Variants in PRKN observed in about 807,000 individuals in gnomAD.
PRKN encodes the protein E3 ubiquitin-protein ligase parkin.
PRKN carries 56 observed loss-of-function variants against 59.5 expected under a neutral mutation model. The observed-to-expected ratio is 0.94, with a 90% CI of 0.76 to 1.18. The LOEUF (loss-of-function observed/expected upper bound fraction) is 1.18, where lower values mean the gene tolerates loss of function less well. Among genes scored for constraint, PRKN ranks in the 50% most tolerant of loss-of-function variants. The pLI is 0.00. For synonymous variants in PRKN, 250 were observed against 222.1 expected (o/e 1.13, Z -1.12); for missense variants, 657 against 596.4 (o/e 1.10, Z -1.06).
intron 6 of PRKN, among the ~76,000 whole-genome samples, chr6:161,969,683 T>C (rs1396312468): frequency 3.9e-5 from 6 of 152,194 alleles, no homozygotes; most frequent in Admixed American, 2.6e-4. Flanking sequence ...ATTTTACTTT[T>C]ATTTTCCAGT....
chr6:161,757,871 C>CTCTCTCTCTCTGTGTG (rs1380898753), intron 7 of PRKN, among the ~76,000 whole-genome samples: 27 of 97,984 alleles, frequency 2.8e-4, no homozygotes, highest in Admixed American at 3.6e-4. Flanking sequence ...CTCTCTCTCT[C>CTCTCTCTCTCTGTGTG]TGTGTATATA....
At chr6:161,732,279 G>A (rs1787749735) in intron 7 of PRKN, among the ~76,000 whole-genome samples, 1 of 151,968 alleles carries the variant, frequency 6.6e-6, no homozygotes, top group Non-Finnish European at 1.5e-5. Context: ...TACAGACAGG[G>A]TTTCACCATG....
Position 161,582,640 on chromosome 6 carries a change from G to A in PRKN, c.872-13224C>T, listed in dbSNP as rs1357758988. ...GATGGGGTTTCACCATGTTAGCCAG[G>A]ATGGTCTCGATCTGCTGACCTCGTG... On this transcript the variant is annotated intron_variant, in intron 7 of 11. Coordinates refer to ENST00000366898, the MANE Select transcript of PRKN (RefSeq NM_004562.3). The surrounding 1 kb of genome is among the most constrained non-coding windows in gnomAD (Gnocchi z 4.4). Among the ~76,000 whole-genome samples the A allele has an allele frequency of 1.3e-5, 2 of 152,034 alleles. No homozygotes were observed. The highest frequency in any genetic ancestry group is 2.4e-5 in the African/African-American group (1 of 41,398).
At chr6:161,962,421 A>C (rs538937235) in intron 6 of PRKN, among the ~76,000 whole-genome samples, 1 of 152,362 alleles carries the variant, frequency 6.6e-6, no homozygotes, top group African/African-American at 2.4e-5. Flanking sequence ...TTCTTTAAAA[A>C]AAAAAGTTAT....
intron 1 of PRKN, among the ~76,000 whole-genome samples, chr6:162,615,902 T>C (rs142056300): frequency 1.3e-5 from 2 of 152,188 alleles, no homozygotes; most frequent in East Asian, 1.9e-4. Flanking sequence ...GTTATCCACA[T>C]TGGCAGAGTA....
At chr6:162,251,469 G>A (rs971030683) in intron 3 of PRKN, among the ~76,000 whole-genome samples, 2 of 152,144 alleles carry the variant, frequency 1.3e-5, no homozygotes, top group Non-Finnish European at 2.9e-5. Context: ...GGAGTGCTGA[G>A]TTACAGTCTC....
intron 7 of PRKN, among the ~76,000 whole-genome samples, chr6:161,762,131 G>C (rs948516476): frequency 2.0e-5 from 3 of 152,074 alleles, no homozygotes. Flanking sequence ...GAGGAATTTA[G>C]GTAGCCAAGA....
At chr6:162,586,339 T>C (rs750417788) in intron 1 of PRKN, among the ~76,000 whole-genome samples, 4 of 152,250 alleles carry the variant, frequency 2.6e-5, no homozygotes, top group Non-Finnish European at 4.4e-5. Context: ...TTTCAATAGT[T>C]AGCATTAATT....
At chr6:161,408,317 TAA>T (rs35131999) in intron 9 of PRKN, among the ~76,000 whole-genome samples, 10,344 of 99,476 alleles carry the variant, frequency 0.1, 422 homozygotes, top group South Asian at 0.25. Flanking sequence ...GAAAAACTGG[TAA>T]AAAAAAAAAA....
chr6:162,514,112 T>TATAATA (rs1345594971), intron 1 of PRKN, among the ~76,000 whole-genome samples: 6 of 152,060 alleles, frequency 3.9e-5, no homozygotes, highest in African/African-American at 1.4e-4. Flanking sequence ...CAATTGTGTT[T>TATAATA]ATAATAATTC....
chr6:162,196,826 T>A (rs1053527645), intron 4 of PRKN, among the ~76,000 whole-genome samples: 1 of 152,224 alleles, frequency 6.6e-6, no homozygotes, highest in Non-Finnish European at 1.5e-5. Context: ...AACTCATTAT[T>A]ATTACATGTA....
chr6:162,258,849 C>T (rs79265294), intron 3 of PRKN, among the ~76,000 whole-genome samples: 6,259 of 152,226 alleles, frequency 0.041, 198 homozygotes, highest in Non-Finnish European at 0.064. Context: ...TTCTTAGTAC[C>T]AACAGTGTAA....
At chr6:162,624,694 A>G (rs910196645) in intron 1 of PRKN, 1 of 151,328 alleles carries the variant, frequency 6.6e-6, no homozygotes, top group African/African-American at 2.4e-5. Context: ...GAGAAAACAC[A>G]AACATTTTTG....
At chr6:162,073,721 GGATTACAGGCTT>G (rs1236834252) in intron 4 of PRKN, among the ~76,000 whole-genome samples, 1 of 152,196 alleles carries the variant, frequency 6.6e-6, no homozygotes, top group Non-Finnish European at 1.5e-5. Flanking sequence ...CAAAGTGCTG[GGATTACAGGCTT>G]GATGCCCTGC....
intron 7 of PRKN, among the ~76,000 whole-genome samples, chr6:161,763,624 TG>T (rs1425758656): frequency 6.6e-6 from 1 of 152,104 alleles, no homozygotes; most frequent in Non-Finnish European, 1.5e-5. Flanking sequence ...AGTTTAAGGC[TG>T]AGGCACATTC....
chr6:162,208,573 T>A (rs1231704560), intron 3 of PRKN, among the ~76,000 whole-genome samples: 1 of 152,140 alleles, frequency 6.6e-6, no homozygotes, highest in Non-Finnish European at 1.5e-5. Context: ...AAATTTCCCA[T>A]ACCAAGACAA....
intron 7 of PRKN, among the ~76,000 whole-genome samples, chr6:161,614,130 C>T (rs961571491): frequency 6.6e-6 from 1 of 152,152 alleles, no homozygotes; most frequent in African/African-American, 2.4e-5. Flanking sequence ...CTATGCATGC[C>T]TCCACCTTTC....
chr6:162,308,137 CAT>C (rs1405867644), intron 2 of PRKN, among the ~76,000 whole-genome samples: 6 of 152,182 alleles, frequency 3.9e-5, no homozygotes, highest in African/African-American at 1.2e-4. Context: ...GATCACTACA[CAT>C]GTCTCAGTTG....
chr6:162,031,969 A>C (rs962442118), intron 5 of PRKN, among the ~76,000 whole-genome samples: 1 of 152,206 alleles, frequency 6.6e-6, no homozygotes, highest in African/African-American at 2.4e-5. Flanking sequence ...GTAATGTTCT[A>C]GTTATTTCAG....
Sources: allele counts gnomAD v4.1 joint callset (sites outside exome capture counted in the v4.1 genomes callset), GRCh38; gene constraint gnomAD v4.1.1; non-coding constraint Gnocchi (gnomAD v3.1); transcripts MANE v1.5; gene names NCBI Gene and HGNC (gene_info 2026-07-23, HGNC 2026-07-21).